Variants in UPF3A observed in about 807,000 individuals in gnomAD.
UPF3A encodes the protein UPF3A regulator of nonsense mediated mRNA decay.
UPF3A carries 42 observed loss-of-function variants against 53.5 expected under a neutral mutation model. The ratio of observed to expected loss-of-function variants is 0.78; its 90% CI spans 0.61 to 1.01. The LOEUF is 1.01. UPF3A is among the 50% of genes least tolerant of loss of function. UPF3A has a pLI of 0.00. For synonymous variants in UPF3A, 237 were observed against 225.3 expected (o/e 1.05, Z -0.47); for missense variants, 575 against 598.0 (o/e 0.96, Z 0.40).
intron 7 of UPF3A, 111 bp from the exon 8 acceptor site, chr13:114,298,729 C>A: frequency 9.2e-7 from 1 of 1,081,298 alleles, no homozygotes. Context: ...TAATTCTTTG[C>A]TGTGCAAACA....
chr13:114,284,678 G>A (rs1002685588), intron 3 of UPF3A, among the ~76,000 whole-genome samples: 1 of 151,720 alleles, frequency 6.6e-6, no homozygotes, highest in Non-Finnish European at 1.5e-5. Flanking sequence ...TAGCCTTGGT[G>A]ACAGAGTGAG....
intron 5 of UPF3A, 92 bp downstream of exon 5, chr13:114,286,721 A>G: frequency 4.9e-6 from 5 of 1,023,306 alleles, no homozygotes; most frequent in Non-Finnish European, 7.0e-6. Flanking sequence ...TGTGATAACA[A>G]GTTGAAACTT....
intron 5 of UPF3A, among the ~76,000 whole-genome samples, chr13:114,288,370 G>A (rs1226256785): frequency 6.6e-6 from 1 of 152,168 alleles, no homozygotes; most frequent in Non-Finnish European, 1.5e-5. Flanking sequence ...GGTGGAGCTG[G>A]AGCTGAGACT....
intron 3 of UPF3A, among the ~76,000 whole-genome samples, chr13:114,284,378 T>A (rs554319446): frequency 7.5e-6 from 1 of 132,852 alleles, no homozygotes; most frequent in East Asian, 2.0e-4. Context: ...TGTACGTGTA[T>A]GTATATGTGT....
At chr13:114,287,669 C>T (rs1181239078) in intron 5 of UPF3A, 1 of 152,208 alleles carries the variant, frequency 6.6e-6, no homozygotes, top group Non-Finnish European at 1.5e-5. Flanking sequence ...ACCACATAAA[C>T]TCCCTTCTTG....
chr13:114,293,479 A>T (rs959393861), intron 7 of UPF3A, among the ~76,000 whole-genome samples: 5 of 152,006 alleles, frequency 3.3e-5, no homozygotes, highest in African/African-American at 1.2e-4. Flanking sequence ...GGGTTTTATC[A>T]TTTCTTTGGC....
intron 5 of UPF3A, chr13:114,287,751 G>C (rs1205030491): frequency 7.2e-5 from 11 of 152,084 alleles, no homozygotes; most frequent in Non-Finnish European, 1.5e-5. Context: ...AGTAGATGTT[G>C]ATTGAATTAA....
chr13:114,299,105 C>G, intron 8 of UPF3A, 105 bp downstream of exon 8: 1 of 1,223,134 alleles, frequency 8.2e-7, no homozygotes, highest in Non-Finnish European at 1.1e-6. Flanking sequence ...GAATCCAAGA[C>G]TTTCCAGGGT....
chr13:114,298,234 G>A (rs1401591375), intron 7 of UPF3A, among the ~76,000 whole-genome samples: 4 of 152,082 alleles, frequency 2.6e-5, no homozygotes, highest in African/African-American at 7.2e-5. Flanking sequence ...TTAGCTGAGC[G>A]TGGTGGTGGG....
intron 5 of UPF3A, 175 bp downstream of exon 5, chr13:114,286,804 A>G (rs2084739585): frequency 1.6e-6 from 1 of 611,368 alleles, no homozygotes; most frequent in African/African-American, 1.9e-5. Context: ...AGCATGGGAA[A>G]ATATTTCTGA....
Position 114,299,075 on chromosome 13 carries a change from C to A in UPF3A, c.1007+75C>A. On this transcript the variant is annotated intron_variant, in intron 8 of 9. Coordinates refer to ENST00000375299, the MANE Select transcript of UPF3A (RefSeq NM_023011.4). The stretch of plus-strand genomic sequence containing the variant: ...CGTAGGCTTTGTCAGTATGAGTATG[C>A]CTATTTCACACTGTTCTTGGAATCC... 3 of 1,389,656 alleles carry A rather than the reference C, an allele frequency of 2.2e-6. No homozygotes were observed. In the South Asian group the frequency reaches 5.1e-5, roughly 24 times the overall value. 86.1% of individuals were successfully genotyped at this position (1,389,656 alleles called of 1,614,324 possible). A position where few individuals can be genotyped will look rare whatever the true frequency, so the allele number is the denominator to read the frequency against.
intron 5 of UPF3A, among the ~76,000 whole-genome samples, chr13:114,287,876 G>A (rs527994585): frequency 5.9e-5 from 9 of 151,960 alleles, no homozygotes; most frequent in Admixed American, 6.6e-5. Context: ...GCACAATCTC[G>A]GCTCACTGCA....
chr13:114,289,473 A>G (rs139648822), intron 5 of UPF3A, among the ~76,000 whole-genome samples: 3,403 of 151,208 alleles, frequency 0.023, 135 homozygotes, highest in African/African-American at 0.079. Flanking sequence ...ACAGTGAGCC[A>G]AGACCACGCC....
At chr13:114,290,531 G>A (rs1300214876) in intron 5 of UPF3A, among the ~76,000 whole-genome samples, 1 of 152,072 alleles carries the variant, frequency 6.6e-6, no homozygotes, top group Non-Finnish European at 1.5e-5. Flanking sequence ...GCCTGTCCAT[G>A]TCAGCGCAAG....
At chr13:114,282,198 C>G (rs568567549) in intron 2 of UPF3A, 71 bp downstream of exon 2, 100 of 1,269,066 alleles carry the variant, frequency 7.9e-5, no homozygotes, top group African/African-American at 6.2e-4. Flanking sequence ...GTCTCGTTGC[C>G]TTACGTTCCT....
intron 3 of UPF3A, chr13:114,286,058 G>C (rs2084654171): frequency 2.1e-6 from 1 of 474,760 alleles, no homozygotes; most frequent in Non-Finnish European, 3.7e-6. Context: ...TTCTTACCAG[G>C]AGTTCATCCT....
In UPF3A at chr13:114,293,252, C is replaced by G. The variant is rs997023419; in HGVS notation, c.846+1460C>G. Among the ~76,000 whole-genome samples, 6 of 139,128 alleles carry G rather than the reference C, an allele frequency of 4.3e-5. No individual in the cohort carries two copies. The East Asian group carries it at 1.4e-3, about 32-fold the overall frequency. The allele number at this position is 139,128 out of a possible 152,430, so 91.3% of individuals were successfully genotyped here. ...CACAAAAATGAGCCGGACGTGGTGG[C>G]GTGTGCCTGGAATCCCAGCTACTCA... On this transcript the variant is annotated intron_variant, in intron 7 of 9. Transcript: ENST00000375299.
intron 5 of UPF3A, among the ~76,000 whole-genome samples, chr13:114,288,718 C>T (rs950766878): frequency 1.3e-5 from 2 of 152,008 alleles, no homozygotes; most frequent in Admixed American, 6.6e-5. Flanking sequence ...GACCGACAGA[C>T]GGATAGGGTG....
At position 114,282,086 on chromosome 13, in the gene UPF3A, G is replaced by A; in HGVS notation, c.273G>A (p.Leu91=). 1.3e-6 allele frequency: 2 copies of A among 1,579,778 alleles called. No homozygotes were observed. The highest frequency in any genetic ancestry group is 1.7e-6 in the Non-Finnish European group (2 of 1,164,010). Reference sequence around the variant, plus strand: ...AGCTGGAGGAGCAGCTGCGCCCGCTGCCAGCACACGACTACTTCGAGTTCT... The same window carrying A: ...AGCTGGAGGAGCAGCTGCGCCCGCTACCAGCACACGACTACTTCGAGTTCT... ...KEQLEEQLRP[L]PAHDYFEFFA... Residue 91 remains leucine, a synonymous_variant, in exon 2 of 10, where the codon CTG becomes CTA. Transcript: ENST00000375299.
Sources: gnomAD v4.1 joint callset for allele counts (sites outside exome capture counted in the v4.1 genomes callset) on GRCh38, gnomAD v4.1.1 for gene constraint, MANE v1.5 for transcripts, NCBI Gene and HGNC (gene_info 2026-07-23, HGNC 2026-07-21) for gene names.